The following DPP9 variants were observed in gnomAD, a reference collection of about 807,000 sequenced individuals.
The protein encoded by DPP9 is dipeptidyl peptidase 9.
In DPP9, 50 loss-of-function variants were observed where a neutral mutation model predicts 110.7. The ratio of observed to expected loss-of-function variants is 0.45; its 90% confidence interval spans 0.36 to 0.57. The LOEUF is 0.57. Ranked by LOEUF, DPP9 falls within the 20% of genes least tolerant of loss-of-function variation. The probability of loss-of-function intolerance (pLI) is 0.00; values close to 1 mark genes in which losing one functional copy is unlikely to be tolerated. For missense variants in DPP9, 1,022 were observed against 1,217.9 expected (o/e 0.84, Z 2.39); for synonymous variants, 561 against 514.4 (o/e 1.09, Z -1.23).
Position 4,675,339 on chromosome 19 carries a change from C to CTTTTTTTTTTT in DPP9, c.*1214_*1224dup, listed in dbSNP as rs369204147. 5.0e-5 allele frequency: 7 copies of CTTTTTTTTTTT among 140,174 alleles called. No individual in the cohort carries two copies. The highest frequency in any genetic ancestry group is 1.1e-4 in the Non-Finnish European group (7 of 64,142). The allele number at this position is 140,174 out of a possible 1,614,324, so 8.7% of individuals were successfully genotyped here. On this transcript the variant is annotated 3_prime_UTR_variant, in exon 22 of 22. Coordinates refer to ENST00000262960, the MANE Select transcript of DPP9 (RefSeq NM_139159.5). ...CATAATATGTAGAGGTGGTTTGTTTCTTTTTTTTTTTTTTCTTTTCTTTTT... is the reference window on the plus strand; with the variant it reads ...CATAATATGTAGAGGTGGTTTGTTTCTTTTTTTTTTTTTTTTTTTTTTTTTCTTTTCTTTTT...
intron 1 of DPP9, chr19:4,722,893 G>T: frequency 3.5e-6 from 1 of 283,292 alleles, no homozygotes; most frequent in Non-Finnish European, 6.8e-6. Context: ...GAAGACCAGG[G>T]GGTGGGGGCC....
At chr19:4,691,102 C>T (rs1367535730) in intron 13 of DPP9, 145 bp from the exon 14 acceptor site, 1 of 647,864 alleles carries the variant, frequency 1.5e-6, no homozygotes, top group African/African-American at 1.8e-5. Flanking sequence ...CCAGCACAGG[C>T]CACTGCGTCA....
At chr19:4,686,828 T>C (rs1042592708) in intron 16 of DPP9, among the ~76,000 whole-genome samples, 2 of 152,012 alleles carry the variant, frequency 1.3e-5, no homozygotes, top group Admixed American at 6.6e-5. Flanking sequence ...AGATAGCAAA[T>C]ATATTGGGCT....
chr19:4,703,831 T>C, intron 7 of DPP9, 55 bp downstream of exon 7: 1 of 1,547,470 alleles, frequency 6.5e-7, no homozygotes. Context: ...ATGGGGCCTT[T>C]CTGGAAGCTG....
At chr19:4,699,668 A>G (rs1018450420) in intron 10 of DPP9, among the ~76,000 whole-genome samples, 3 of 152,026 alleles carry the variant, frequency 2.0e-5, no homozygotes. Flanking sequence ...GATGACCCCC[A>G]GGTGATGAGG....
rs542986781 is a variant in DPP9, at chr19:4,698,940, C to T, written c.1074+1276G>A. Among the ~76,000 whole-genome samples the T allele has an allele frequency of 4.9e-3, 748 of 152,000 alleles. 2 individuals are homozygous for T. The highest frequency in any genetic ancestry group is 0.02 in the Middle Eastern group (6 of 294). ...TTGGGAGGCCGAGGCGGGCGGATCA[C>T]GAGGTCAGGAGATTGAGACCGTCCT... On this transcript the variant is annotated intron_variant, in intron 10 of 21. Coordinates refer to ENST00000262960, the MANE Select transcript of DPP9 (RefSeq NM_139159.5). The surrounding 1 kb of genome is among the most constrained non-coding windows in gnomAD (Gnocchi z 4.2).
In DPP9 at chr19:4,688,801, A is replaced by AG; in HGVS notation, c.1840dup (p.Leu614ProfsTer10). The AG allele has an allele frequency of 1.4e-6, 2 of 1,480,818 alleles. No individual in the cohort carries two copies. The allele number at this position is 1,480,818 out of a possible 1,614,324, so 91.7% of individuals were successfully genotyped here. A position where few individuals can be genotyped will look rare whatever the true frequency, so the allele number is the denominator to read the frequency against. ...AGCCCAGAAGCGGGGCTGCTTGTGC[A>AG]GGGGGTCGTCGTCGGGGCCGCTCAG... On this transcript the variant is annotated frameshift_variant, in exon 16 of 22. Coordinates refer to ENST00000262960, the MANE Select transcript of DPP9 (RefSeq NM_139159.5). LOFTEE classifies it high-confidence loss of function.
chr19:4,708,534 G>A (rs567349203), intron 4 of DPP9, among the ~76,000 whole-genome samples: 1 of 152,278 alleles, frequency 6.6e-6, no homozygotes, highest in Non-Finnish European at 1.5e-5. Context: ...CATGGAATCA[G>A]CCTAAATCCA....
intron 4 of DPP9, among the ~76,000 whole-genome samples, chr19:4,709,454 AGCAAAAGAAC>A (rs2092733015): frequency 6.6e-6 from 1 of 152,128 alleles, no homozygotes; most frequent in Non-Finnish European, 1.5e-5. Context: ...CTCAGGGGTG[AGCAAAAGAAC>A]GCAAGTGCTG....
intron 14 of DPP9, 106 bp downstream of exon 14, chr19:4,690,768 AGTAT>A (rs1437124853): frequency 5.8e-6 from 5 of 858,470 alleles, no homozygotes; most frequent in African/African-American, 1.7e-5. Flanking sequence ...TGTGAGAATG[AGTAT>A]GTGTGTGAGT....
At chr19:4,691,930 A>G (rs1347666926) in intron 13 of DPP9, among the ~76,000 whole-genome samples, 2 of 151,908 alleles carry the variant, frequency 1.3e-5, no homozygotes, top group East Asian at 3.9e-4. Flanking sequence ...CACCTGCCTC[A>G]GCCTCCCAAA....
Position 4,719,847 on chromosome 19 carries a change from T to C in DPP9, c.56+4A>G. On this transcript the variant is annotated splice_donor_region_variant and intron_variant, in intron 3 of 21. Transcript: ENST00000262960. ...CGGATCAGGGCCTCCGAGGCCAACC[T>C]CACCTTCTCCAACTTCCGGTGTTCT... 2 of 1,551,698 alleles carry C rather than the reference T, an allele frequency of 1.3e-6. No homozygotes were observed. The highest frequency in any genetic ancestry group is 1.7e-4 in the Middle Eastern group (1 of 5,992).
chr19:4,683,472 C>G lies in DPP9; in HGVS notation c.2331+5G>C, dbSNP rs765125122. On this transcript the variant is annotated splice_donor_5th_base_variant and intron_variant, in intron 19 of 21. Transcript: ENST00000262960. ...TGGCTGAGGCCGGCCAGGGGTGGGA[C>G]CCACCTTGAACACCTGGGGCTTGTG... 5 of 1,612,832 alleles carry G rather than the reference C, an allele frequency of 3.1e-6. No homozygotes were observed. Among genetic ancestry groups the G allele is most frequent in the Non-Finnish European group, 4.2e-6 (5 of 1,179,832 alleles).
intron 1 of DPP9, among the ~76,000 whole-genome samples, chr19:4,722,936 C>T (rs78271773): frequency 6.6e-6 from 1 of 152,278 alleles, no homozygotes; most frequent in East Asian, 1.9e-4. Flanking sequence ...GGCTCAGAGG[C>T]AGCGTGAACA....
At chr19:4,691,912 A>G (rs1382197012) in intron 13 of DPP9, among the ~76,000 whole-genome samples, 1 of 151,898 alleles carries the variant, frequency 6.6e-6, no homozygotes, top group Non-Finnish European at 1.5e-5. Flanking sequence ...TCCTGACCTC[A>G]GGTGATCCAC....
At position 4,688,768 on chromosome 19, in the gene DPP9, A is replaced by C; in HGVS notation, c.1874T>G (p.Met625Arg). ...HKQPRFWASM[M>R]EAASCPPDYV... ...CAGGGGCTACTCACTGGCTGCCTCCATCATGCTAGCCCAGAAGCGGGGCTG... is the reference window on the plus strand; with the variant it reads ...CAGGGGCTACTCACTGGCTGCCTCCCTCATGCTAGCCCAGAAGCGGGGCTG... Residue 625 changes from methionine (M) to arginine (R), a missense_variant, in exon 16 of 22, where the codon ATG (methionine) becomes AGG (arginine). Transcript: ENST00000262960. 1 of 1,449,872 alleles carries C rather than the reference A, an allele frequency of 6.9e-7. No homozygotes were observed. The highest frequency in any genetic ancestry group is 3.0e-5 in the Admixed American group (1 of 33,246). 89.8% of individuals were successfully genotyped at this position (1,449,872 alleles called of 1,614,324 possible).
At chr19:4,717,013 C>A (rs902816198) in intron 3 of DPP9, among the ~76,000 whole-genome samples, 2 of 152,196 alleles carry the variant, frequency 1.3e-5, no homozygotes, top group African/African-American at 4.8e-5. Flanking sequence ...GGGCGGAAGA[C>A]CCCTTGGGAA....
intron 3 of DPP9, among the ~76,000 whole-genome samples, chr19:4,715,342 C>T (rs925586115): frequency 1.3e-5 from 2 of 152,148 alleles, no homozygotes; most frequent in African/African-American, 4.8e-5. Context: ...AGCTTCTAAT[C>T]AGATCTCAGC....
Position 4,688,808 on chromosome 19 carries a change from C to T in DPP9, c.1834G>A (p.Asp612Asn), listed in dbSNP as rs372503424. 45 of 1,484,166 alleles carry T rather than the reference C, an allele frequency of 3.0e-5. No homozygotes were observed. In the African/African-American group the frequency reaches 4.6e-4, roughly 15 times the overall value. 91.9% of individuals were successfully genotyped at this position (1,484,166 alleles called of 1,614,324 possible). A position where few individuals can be genotyped will look rare whatever the true frequency, so the allele number is the denominator to read the frequency against. Residue 612 changes from aspartate (D) to asparagine (N), a missense_variant, in exon 16 of 22, where the codon GAC becomes AAC. By Grantham distance (23) the Asp-to-Asn change is conservative. Transcript: ENST00000262960. Reference sequence around the variant, plus strand: ...AAGCGGGGCTGCTTGTGCAGGGGGTCGTCGTCGGGGCCGCTCAGCTTGTAG... The same window carrying T: ...AAGCGGGGCTGCTTGTGCAGGGGGTTGTCGTCGGGGCCGCTCAGCTTGTAG... Reference protein sequence around the residue: ...HVYKLSGPDDDPLHKQPRFWA... With the variant: ...HVYKLSGPDDNPLHKQPRFWA...
Sources: gnomAD v4.1 joint callset for allele counts (sites outside exome capture counted in the v4.1 genomes callset) on GRCh38, gnomAD v4.1.1 for gene constraint, Gnocchi (gnomAD v3.1) non-coding constraint, MANE v1.5 for transcripts, NCBI Gene and HGNC (gene_info 2026-07-23, HGNC 2026-07-21) for gene names.